Variants in DHRS3 observed in about 807,000 individuals in gnomAD.
The protein encoded by DHRS3 is short-chain dehydrogenase/reductase 3.
In DHRS3, 14 loss-of-function variants were observed where a neutral mutation model predicts 27.2. That is an observed-to-expected ratio of 0.52 (90% confidence interval 0.34 to 0.81). The LOEUF (loss-of-function observed/expected upper bound fraction) is 0.81. DHRS3 is among the 30% of genes least tolerant of loss of function. The probability of loss-of-function intolerance (pLI) is 0.01; values close to 1 mark genes in which losing one functional copy is unlikely to be tolerated. For synonymous variants in DHRS3, 165 were observed against 175.9 expected (o/e 0.94, Z 0.49); for missense variants, 322 against 406.2 (o/e 0.79, Z 1.78).
chr1:12,590,045 A>G (rs1646732336), intron 1 of DHRS3, among the ~76,000 whole-genome samples: 1 of 151,978 alleles, frequency 6.6e-6, no homozygotes, highest in Non-Finnish European at 1.5e-5. Context: ...CTTCCACCTT[A>G]CTTAGAAGGC....
At position 12,578,630 on chromosome 1, in the gene DHRS3, T is replaced by G. The variant is rs1324384194; in HGVS notation, c.698+88A>C. 2.1e-5 allele frequency: 28 copies of G among 1,354,264 alleles called. No individual in the cohort carries two copies. Among genetic ancestry groups the G allele is most frequent in the Non-Finnish European group, 2.9e-5 (28 of 954,882 alleles). 83.9% of individuals were successfully genotyped at this position (1,354,264 alleles called of 1,614,324 possible). On this transcript the variant is annotated intron_variant, in intron 4 of 5. Coordinates refer to ENST00000616661, the MANE Select transcript of DHRS3 (RefSeq NM_004753.7). The surrounding 1 kb of genome is among the most constrained non-coding windows in gnomAD (Gnocchi z 4.5). ...CACCGTGCCTAGCCCGATTTTTATA[T>G]CAGAGCTCTTTCTGCAGTTGGCTGA...
intron 1 of DHRS3, among the ~76,000 whole-genome samples, chr1:12,587,613 G>A (rs1385071589): frequency 6.6e-6 from 1 of 152,054 alleles, no homozygotes; most frequent in East Asian, 1.9e-4. Flanking sequence ...AGGCTGAGGT[G>A]GGAGGATTGC....
intron 1 of DHRS3, among the ~76,000 whole-genome samples, chr1:12,612,496 A>G (rs1029408401): frequency 1.3e-5 from 2 of 151,878 alleles, no homozygotes; most frequent in African/African-American, 2.4e-5. Flanking sequence ...CCCTTGTCAC[A>G]CCCCTTCTGG....
At chr1:12,602,321 G>A (rs374202370) in intron 1 of DHRS3, among the ~76,000 whole-genome samples, 1 of 152,122 alleles carries the variant, frequency 6.6e-6, no homozygotes, top group East Asian at 1.9e-4. Flanking sequence ...GACAGGGGCT[G>A]TGCCACGGGT....
intron 4 of DHRS3, among the ~76,000 whole-genome samples, chr1:12,573,204 C>T (rs1646554951): frequency 6.6e-6 from 1 of 152,218 alleles, no homozygotes; most frequent in African/African-American, 2.4e-5. Context: ...CACTCTGCTC[C>T]TTCAGGACAG....
intron 1 of DHRS3, among the ~76,000 whole-genome samples, chr1:12,585,237 G>A (rs1483754288): frequency 7.4e-6 from 1 of 135,884 alleles, no homozygotes; most frequent in Admixed American, 7.0e-5. Context: ...GTCTATGTGA[G>A]TGTGTGTCTC....
chr1:12,589,721 C>T (rs1646729354), intron 1 of DHRS3, among the ~76,000 whole-genome samples: 3 of 152,148 alleles, frequency 2.0e-5, no homozygotes, highest in East Asian at 3.9e-4. Flanking sequence ...TGTTGGCTCA[C>T]GCCTATATTC....
At position 12,568,217 on chromosome 1, in the gene DHRS3, C is replaced by T. The variant is rs1557508243; in HGVS notation, c.*123G>A. On this transcript the variant is annotated 3_prime_UTR_variant, in exon 6 of 6. Coordinates refer to ENST00000616661, the MANE Select transcript of DHRS3 (RefSeq NM_004753.7). ...GGCCCAGGGGCAGCCGGATTCTTCG[C>T]TGGGGACAGGAGCTGTCCTGCTCAC... 2 of 945,364 alleles carry T rather than the reference C, an allele frequency of 2.1e-6. No individual in the cohort carries two copies. The highest frequency in any genetic ancestry group is 2.5e-5 in the East Asian group (1 of 40,450). 58.6% of individuals were successfully genotyped at this position (945,364 alleles called of 1,614,324 possible). A position where few individuals can be genotyped will look rare whatever the true frequency, so the allele number is the denominator to read the frequency against.
chr1:12,583,166 C>T (rs1646659649), intron 1 of DHRS3, among the ~76,000 whole-genome samples: 3 of 149,550 alleles, frequency 2.0e-5, no homozygotes. Context: ...ACCCACCCCA[C>T]TCCATCCATC....
chr1:12,612,768 A>T (rs1439211518), intron 1 of DHRS3, among the ~76,000 whole-genome samples: 3 of 152,126 alleles, frequency 2.0e-5, no homozygotes, highest in Admixed American at 1.3e-4. Flanking sequence ...CCTTATAAGA[A>T]GATGATGGGG....
At chr1:12,607,624 G>C (rs895445282) in intron 1 of DHRS3, among the ~76,000 whole-genome samples, 1 of 152,038 alleles carries the variant, frequency 6.6e-6, no homozygotes, top group Non-Finnish European at 1.5e-5. Flanking sequence ...AAATTACTCA[G>C]TCTCTAATAT....
chr1:12,594,917 A>G lies in DHRS3; in HGVS notation c.196-14251T>C, dbSNP rs1465422437. Among the ~76,000 whole-genome samples the G allele has an allele frequency of 1.3e-5, 2 of 152,120 alleles. No individual in the cohort carries two copies. Among genetic ancestry groups the G allele is most frequent in the African/African-American group, 4.8e-5 (2 of 41,410 alleles). On this transcript the variant is annotated intron_variant, in intron 1 of 5. Transcript: ENST00000616661. The surrounding 1 kb of genome is among the most constrained non-coding windows in gnomAD (Gnocchi z 4.1). ...GCAGAGCTGGGTGCTGGAGAAAGTG[A>G]GCTTCCCAGAGGACACCAGAGCGTT...
At position 12,574,147 on chromosome 1, in the gene DHRS3, T is replaced by C. The variant is rs1157034630; in HGVS notation, c.699-1294A>G. 6.6e-6 allele frequency among the ~76,000 whole-genome samples: 1 copy of C among 152,124 alleles called. No individual in the cohort carries two copies. The highest frequency in any genetic ancestry group is 1.5e-5 in the Non-Finnish European group (1 of 68,018). The stretch of plus-strand genomic sequence containing the variant: ...TCTTACCCCCTGCCCTGTAATTCCT[T>C]TGTCATCACAATGATGATTCTTTTT... On this transcript the variant is annotated intron_variant, in intron 4 of 5. Transcript: ENST00000616661. The surrounding 1 kb of genome is among the most constrained non-coding windows in gnomAD (Gnocchi z 4.6).
At chr1:12,604,815 C>G (rs1646859131) in intron 1 of DHRS3, among the ~76,000 whole-genome samples, 1 of 152,208 alleles carries the variant, frequency 6.6e-6, no homozygotes. Context: ...CTTTGGGAGG[C>G]TGAGGCGGGT....
intron 4 of DHRS3, among the ~76,000 whole-genome samples, chr1:12,573,066 A>T (rs1277657108): frequency 2.0e-5 from 3 of 152,088 alleles, no homozygotes; most frequent in Non-Finnish European, 4.4e-5. Flanking sequence ...TGAGTCAAGG[A>T]CTTCTAGCCC....
intron 1 of DHRS3, among the ~76,000 whole-genome samples, chr1:12,597,232 G>A (rs1351145527): frequency 3.9e-5 from 6 of 152,078 alleles, no homozygotes; most frequent in Non-Finnish European, 5.9e-5. Context: ...GCCCACCACC[G>A]CACCTGGCTA....
chr1:12,609,357 A>C (rs573675944), intron 1 of DHRS3, among the ~76,000 whole-genome samples: 1 of 152,280 alleles, frequency 6.6e-6, no homozygotes, highest in African/African-American at 2.4e-5. Flanking sequence ...CCAGCAAGAA[A>C]GATCAGGATC....
Position 12,578,851 on chromosome 1 carries a change from A to G in DHRS3, c.565T>C (p.Cys189Arg). 1 of 1,614,022 alleles carries G rather than the reference A, an allele frequency of 6.2e-7. No individual in the cohort carries two copies. Among genetic ancestry groups the G allele is most frequent in the Non-Finnish European group, 8.5e-7 (1 of 1,180,020 alleles). Residue 189 changes from cysteine (C) to arginine (R), a missense_variant, in exon 4 of 6, where the codon TGC becomes CGC. Coordinates refer to ENST00000616661, the MANE Select transcript of DHRS3 (RefSeq NM_004753.7). This position sits in a 1 kb window ranked among gnomAD's most constrained non-coding sequence, Gnocchi z 4.5. ...LSAIPGAIDY[C>R]TSKASAFAFM... ...GCGAAGGCTGACGCTTTGGATGTGCAGTAGTCGATGGCACCGGGGATGGCA... is the reference window on the plus strand; with the variant it reads ...GCGAAGGCTGACGCTTTGGATGTGCGGTAGTCGATGGCACCGGGGATGGCA...
intron 1 of DHRS3, among the ~76,000 whole-genome samples, chr1:12,596,978 C>G (rs1466816146): frequency 6.6e-6 from 1 of 151,952 alleles, no homozygotes; most frequent in African/African-American, 2.4e-5. Context: ...GATGAATAGT[C>G]CCCCCTGGCT....
Sources: gnomAD v4.1 joint callset for allele counts (sites outside exome capture counted in the v4.1 genomes callset) on GRCh38, gnomAD v4.1.1 for gene constraint, Gnocchi (gnomAD v3.1) non-coding constraint, MANE v1.5 for transcripts, NCBI Gene and HGNC (gene_info 2026-07-23, HGNC 2026-07-21) for gene names.